SLC16A3: variants seen among roughly 807,000 people sequenced by gnomAD.
SLC16A3 encodes monocarboxylate transporter 4.
A neutral mutation model predicts 25.0 loss-of-function variants in SLC16A3; 22 were observed. That is an observed-to-expected ratio of 0.88 (90% CI 0.63 to 1.26). SLC16A3 has a LOEUF of 1.26. Ranked by LOEUF, SLC16A3 falls within the 50% of genes most tolerant of loss-of-function variation. The pLI, the probability that SLC16A3 is intolerant of heterozygous loss-of-function variation, is 0.00. For missense variants in SLC16A3, 731 were observed against 666.6 expected, an observed-to-expected ratio of 1.10 and a Z score of -1.06; for synonymous variants, 390 against 309.2, an observed-to-expected ratio of 1.26 and a Z score of -2.74.
upstream of SLC16A3, among the ~76,000 whole-genome samples, chr17:82,226,370 C>G (rs1000295658): frequency 5.3e-5 from 8 of 152,150 alleles, no homozygotes; most frequent in African/African-American, 1.7e-4. Context: ...GGGGAGCAAG[C>G]GTTGGAGCCA....
rs773939458 is a variant in SLC16A3 at position 82,236,967 on chromosome 17, G to A, written c.367+95G>A. 4.1e-4 allele frequency: 617 copies of A among 1,522,984 alleles called. No individual in the cohort carries two copies. Among genetic ancestry groups the A allele is most frequent in the Non-Finnish European group, 5.0e-4 (566 of 1,129,760 alleles). The allele number at this position is 1,522,984 out of a possible 1,614,324, so 94.3% of individuals were successfully genotyped here. A position where few individuals can be genotyped will look rare whatever the true frequency, so the allele number is the denominator to read the frequency against. On this transcript the variant is annotated intron_variant, in intron 3 of 4. Coordinates refer to ENST00000582743, the MANE Select transcript of SLC16A3 (RefSeq NM_004207.4). ...CCAGGCCTCTGGAGGACAGCAGGGCGGGTGGCTGCGGGGTGTCCCGGCCCC... is the reference window on the plus strand; with the variant it reads ...CCAGGCCTCTGGAGGACAGCAGGGCAGGTGGCTGCGGGGTGTCCCGGCCCC...
rs754317022 is a variant in SLC16A3, at chr17:82,236,225, G to A, written c.217G>A (p.Gly73Arg). 9.9e-6 allele frequency: 16 copies of A among 1,612,622 alleles called. No homozygotes were observed. The highest frequency in any genetic ancestry group is 4.5e-5 in the East Asian group (2 of 44,894). ...ISSILLAMLY[G>R]TGPLCSVCVN... ...CTCCATCCTGCTGGCCATGCTCTAC[G>A]GGACAGGTGAGGGTGGCCTCACACC... The change falls in exon 2 of 5, where the codon GGG (glycine) becomes AGG (arginine). Residue 73 changes from glycine (G) to arginine (R), a missense_variant. Transcript: ENST00000582743.
At chr17:82,227,623 A>AGCACCG (rs2050433500), upstream of SLC16A3, among the ~76,000 whole-genome samples, 2 of 23,434 alleles carry the variant, frequency 8.5e-5, no homozygotes, top group African/African-American at 1.9e-4. Context: ...CGGGAGCACC[A>AGCACCG]CCTGCCCTGG....
intron 1 of SLC16A3, chr17:82,229,555 C>T (rs967827884): frequency 6.6e-6 from 1 of 152,376 alleles, no homozygotes; most frequent in East Asian, 1.9e-4. Context: ...GCGCTCGGGC[C>T]GTGGCGCTTT....
At chr17:82,232,585 C>T (rs577130530) in intron 1 of SLC16A3, among the ~76,000 whole-genome samples, 7 of 152,340 alleles carry the variant, frequency 4.6e-5, no homozygotes, top group East Asian at 1.9e-4. Flanking sequence ...TGCAGGGGTC[C>T]GAACTGGCAG....
At chr17:82,232,735 G>A (rs1165032922) in intron 1 of SLC16A3, among the ~76,000 whole-genome samples, 1 of 152,176 alleles carries the variant, frequency 6.6e-6, no homozygotes, top group Non-Finnish European at 1.5e-5. Flanking sequence ...GGGACGCAGG[G>A]TCTCCTGCAA....
chr17:82,237,751 CT>C lies in SLC16A3; in HGVS notation c.984del (p.Phe328LeufsTer34). On this transcript the variant is annotated frameshift_variant, in exon 4 of 5. Coordinates refer to ENST00000582743, the MANE Select transcript of SLC16A3 (RefSeq NM_004207.4). LOFTEE classifies it high-confidence loss of function. ...YGGLVVFCIFFGISYGMVGAL... is the reference protein window; with the variant it reads ...YGGLVVFCIFXGISYGMVGAL... ...GCGGCCTCGTGGTCTTCTGCATCTT[CT>C]TTGGCATCTCCTACGGCATGGTGGG... The C allele has an allele frequency of 6.2e-7, 1 of 1,612,196 alleles. No individual in the cohort carries two copies.
At chr17:82,225,899 T>C (rs1483608258), upstream of SLC16A3, among the ~76,000 whole-genome samples, 1 of 152,034 alleles carries the variant, frequency 6.6e-6, no homozygotes, top group African/African-American at 2.4e-5. Context: ...TGGTGACCCT[T>C]GGAGAAAAGC....
chr17:82,227,595 AGCACCACCTGCCCTGGGCG>A (rs1409350112), upstream of SLC16A3, among the ~76,000 whole-genome samples: 19 of 128,974 alleles, frequency 1.5e-4, no homozygotes, highest in Non-Finnish European at 3.2e-4. Flanking sequence ...CCTGGGCGGG[AGCACCACCTGCCCTGGGCG>A]GGAGCACCAC....
In SLC16A3 at chr17:82,238,731, A is replaced by G. The variant is rs376334510; in HGVS notation, c.1153A>G (p.Met385Val). The change falls in exon 5 of 5, where the codon ATG becomes GTG. Residue 385 changes from methionine to valine, a missense_variant. Coordinates refer to ENST00000582743, the MANE Select transcript of SLC16A3 (RefSeq NM_004207.4). ...GKLLDATHVY[M>V]YVFILAGAEV... ...ACTCCTGGATGCGACCCACGTCTAC[A>G]TGTACGTGTTCATCCTGGCGGGGGC... is the stretch of plus-strand genomic sequence containing the variant. 3.1e-6 allele frequency: 5 copies of G among 1,612,076 alleles called. No individual in the cohort carries two copies. Among genetic ancestry groups the G allele is most frequent in the East Asian group, 4.5e-5 (2 of 44,872 alleles).
intron 1 of SLC16A3, chr17:82,234,671 G>C (rs2050566852): frequency 6.6e-6 from 1 of 152,438 alleles, no homozygotes; most frequent in Non-Finnish European, 1.5e-5. Flanking sequence ...CCCGGGAGGA[G>C]GAGTGAGGAG....
chr17:82,223,731 CA>C (rs112034701), upstream of SLC16A3, among the ~76,000 whole-genome samples: 4 of 152,156 alleles, frequency 2.6e-5, 1 homozygote, highest in African/African-American at 7.2e-5. Flanking sequence ...CTTTACAGAG[CA>C]AGAGACTGAG....
Position 82,237,778 on chromosome 17 carries a change from G to C in SLC16A3, c.1008G>C (p.Gly336=), listed in dbSNP as rs774341499. ...TTGGCATCTCCTACGGCATGGTGGG[G>C]GCCCTGCAGTTCGAGGTGCTCATGG... ...IFFGISYGMV[G]ALQFEVLMAI... is the part of the protein sequence containing the mutation. Residue 336 remains glycine, a synonymous_variant, in exon 4 of 5, where the codon GGG becomes GGC. Coordinates refer to ENST00000582743, the MANE Select transcript of SLC16A3 (RefSeq NM_004207.4). The C allele has an allele frequency of 6.2e-7, 1 of 1,611,858 alleles. No individual in the cohort carries two copies. The highest frequency in any genetic ancestry group is 1.1e-5 in the South Asian group (1 of 91,086).
upstream of SLC16A3, among the ~76,000 whole-genome samples, chr17:82,225,252 C>T (rs1477566234): frequency 1.3e-5 from 2 of 151,954 alleles, no homozygotes; most frequent in Non-Finnish European, 2.9e-5. Context: ...CAGAGTGAGA[C>T]TCTGTCAAAA....
At chr17:82,232,936 A>C (rs2050524210) in intron 1 of SLC16A3, among the ~76,000 whole-genome samples, 2 of 123,286 alleles carry the variant, frequency 1.6e-5, no homozygotes, top group Non-Finnish European at 3.5e-5. Flanking sequence ...GGGTTGGTAA[A>C]TGTCAGGGGA....
At position 82,239,892 on chromosome 17, in the gene SLC16A3, G is replaced by A. The variant is rs1053392098; in HGVS notation, c.*916G>A. The A allele has an allele frequency of 1.2e-5, 10 of 831,652 alleles. No homozygotes were observed. The Admixed American group carries it at 3.9e-4, about 32-fold the overall frequency. 51.5% of individuals were successfully genotyped at this position (831,652 alleles called of 1,614,324 possible). On this transcript the variant is annotated 3_prime_UTR_variant, in exon 5 of 5. Coordinates refer to ENST00000582743, the MANE Select transcript of SLC16A3 (RefSeq NM_004207.4). The stretch of plus-strand genomic sequence containing the variant: ...CCAGCCCGGCCCAGCGCTTGGGCTT[G>A]TCCTGGACACCTAACACCCACCTGC...
Position 82,237,222 on chromosome 17 carries a change from T to C in SLC16A3, c.452T>C (p.Leu151Pro), listed in dbSNP as rs779446125. 4 of 1,550,674 alleles carry C rather than the reference T, an allele frequency of 2.6e-6. No individual in the cohort carries two copies. The highest frequency in any genetic ancestry group is 3.5e-6 in the Non-Finnish European group (4 of 1,147,318). ...FSKRRPMANG[L>P]AAAGSPVFLC... ...AAGCGGCGCCCCATGGCCAACGGGC[T>C]GGCGGCAGCAGGTAGCCCTGTCTTC... Residue 151 changes from leucine (L) to proline (P), a missense_variant, in exon 4 of 5, where the codon CTG (leucine) becomes CCG (proline). Leu to Pro is a moderately conservative substitution (Grantham distance 98). Transcript: ENST00000582743.
At chr17:82,235,341 CTA>C (rs1290006419) in intron 1 of SLC16A3, 1 of 156,536 alleles carries the variant, frequency 6.4e-6, no homozygotes, top group African/African-American at 2.4e-5. Context: ...CCCACCCACT[CTA>C]ATACTGCAGC....
At chr17:82,219,067 A>G (rs1234791165) in intron 1 of SLC16A3, among the ~76,000 whole-genome samples, 1 of 152,038 alleles carries the variant, frequency 6.6e-6, no homozygotes, top group African/African-American at 2.4e-5. Context: ...GGAAGCTCCT[A>G]AGGACCGTGA....
Sources: allele counts gnomAD v4.1 joint callset (sites outside exome capture counted in the v4.1 genomes callset), GRCh38; gene constraint gnomAD v4.1.1; transcripts MANE v1.5; gene names NCBI Gene and HGNC (gene_info 2026-07-23, HGNC 2026-07-21).